The following HECTD2 variants were observed in gnomAD, a reference collection of about 807,000 sequenced individuals.
The protein encoded by HECTD2 is probable E3 ubiquitin-protein ligase HECTD2.
A neutral mutation model predicts 103.2 loss-of-function variants in HECTD2; 35 were observed. The observed-to-expected ratio is 0.34, with a 90% CI of 0.26 to 0.45. HECTD2 has a LOEUF of 0.45. HECTD2 is among the 20% of genes least tolerant of loss of function. HECTD2 has a pLI of 1.00. For missense variants in HECTD2, 596 were observed against 937.4 expected (o/e 0.64, Z 4.76); for synonymous variants, 281 against 329.9 (o/e 0.85, Z 1.61).
At chr10:91,499,609 T>C (rs1396839118) in intron 18 of HECTD2, among the ~76,000 whole-genome samples, 1 of 152,234 alleles carries the variant, frequency 6.6e-6, no homozygotes, top group Non-Finnish European at 1.5e-5. Flanking sequence ...TCTAGAGTTA[T>C]GGTGGACTCA....
upstream of HECTD2, among the ~76,000 whole-genome samples, chr10:91,409,619 G>C (rs1589447675): frequency 6.6e-6 from 1 of 152,162 alleles, no homozygotes; most frequent in East Asian, 1.9e-4. Flanking sequence ...AAGGGGAAAG[G>C]GGGGGCCCAC....
intron 2 of HECTD2, among the ~76,000 whole-genome samples, chr10:91,429,467 T>C (rs1360885143): frequency 2.0e-5 from 3 of 152,108 alleles, no homozygotes; most frequent in Admixed American, 6.6e-5. Context: ...CAGTTCCTCC[T>C]TGTACCTCTG....
At chr10:91,497,976 C>T in intron 15 of HECTD2, 132 bp from the exon 16 acceptor site, 2 of 612,584 alleles carry the variant, frequency 3.3e-6, no homozygotes, top group Non-Finnish European at 3.0e-6. Context: ...AATCATTAAC[C>T]ATTTTGTGCC....
chr10:91,410,582 T>C lies in HECTD2; in HGVS notation c.138+6T>C. 1 of 1,362,688 alleles carries C rather than the reference T, an allele frequency of 7.3e-7. No homozygotes were observed. Among genetic ancestry groups the C allele is most frequent in the Non-Finnish European group, 9.4e-7 (1 of 1,063,950 alleles). The allele number at this position is 1,362,688 out of a possible 1,614,324, so 84.4% of individuals were successfully genotyped here. A position where few individuals can be genotyped will look rare whatever the true frequency, so the allele number is the denominator to read the frequency against. On this transcript the variant is annotated splice_donor_region_variant and intron_variant, in intron 1 of 20. Transcript: ENST00000298068. The stretch of plus-strand genomic sequence containing the variant: ...CGGGCGCCGGCGCGACCGCGGTAGG[T>C]GGTGGGCCGGGGCCGTCTGGCGCCC...
chr10:91,423,732 A>T (rs1420149889), intron 1 of HECTD2, among the ~76,000 whole-genome samples: 1 of 152,148 alleles, frequency 6.6e-6, no homozygotes, highest in Non-Finnish European at 1.5e-5. Flanking sequence ...TCTGAAATTT[A>T]TTCTCTTTGG....
Position 91,462,624 on chromosome 10 carries a change from T to G in HECTD2, c.600+440T>G, listed in dbSNP as rs766405215. 574 of 1,027,498 alleles carry G rather than the reference T, an allele frequency of 5.6e-4. 1 individual carries two copies. The highest frequency in any genetic ancestry group is 6.4e-4 in the Non-Finnish European group (546 of 856,968). 63.6% of individuals were successfully genotyped at this position (1,027,498 alleles called of 1,614,324 possible). ...TAACAAGTTCCCAGGATATGTTGAT[T>G]TATGAGTTCATTTATGATGTGACAC... On this transcript the variant is annotated intron_variant, in intron 5 of 20. Transcript: ENST00000298068.
chr10:91,410,595 C>T lies in HECTD2; in HGVS notation c.138+19C>T. Reference sequence around the variant, plus strand: ...GACCGCGGTAGGTGGTGGGCCGGGGCCGTCTGGCGCCCCGGACGGCGGGAG... The same window carrying T: ...GACCGCGGTAGGTGGTGGGCCGGGGTCGTCTGGCGCCCCGGACGGCGGGAG... On this transcript the variant is annotated intron_variant, in intron 1 of 20. Coordinates refer to ENST00000298068, the MANE Select transcript of HECTD2 (RefSeq NM_182765.6). 2.5e-6 allele frequency: 3 copies of T among 1,215,516 alleles called. No homozygotes were observed. Among genetic ancestry groups the T allele is most frequent in the Non-Finnish European group, 3.0e-6 (3 of 994,798 alleles). The allele number at this position is 1,215,516 out of a possible 1,614,324, so 75.3% of individuals were successfully genotyped here.
intron 2 of HECTD2, among the ~76,000 whole-genome samples, chr10:91,449,781 C>G (rs1410844995): frequency 6.6e-6 from 1 of 152,112 alleles, no homozygotes; most frequent in Non-Finnish European, 1.5e-5. Context: ...TTCACAATTG[C>G]TGCAAAGATA....
intron 2 of HECTD2, among the ~76,000 whole-genome samples, chr10:91,460,094 C>T (rs1009934214): frequency 6.6e-6 from 1 of 152,012 alleles, no homozygotes; most frequent in Non-Finnish European, 1.5e-5. Flanking sequence ...CATTGAAATA[C>T]CCCCGGAAAG....
intron 1 of HECTD2, among the ~76,000 whole-genome samples, chr10:91,423,685 T>C (rs1408140584): frequency 1.3e-5 from 2 of 152,096 alleles, no homozygotes; most frequent in Non-Finnish European, 2.9e-5. Context: ...TAAAAGTCTA[T>C]TAATTCTAGA....
chr10:91,493,777 C>T (rs1846562809), intron 14 of HECTD2, among the ~76,000 whole-genome samples: 1 of 151,788 alleles, frequency 6.6e-6, no homozygotes, highest in Non-Finnish European at 1.5e-5. Context: ...GAAGTTATCA[C>T]TAATTTAAGG....
At chr10:91,457,779 A>G (rs1845170388) in intron 2 of HECTD2, among the ~76,000 whole-genome samples, 1 of 151,990 alleles carries the variant, frequency 6.6e-6, no homozygotes, top group Non-Finnish European at 1.5e-5. Context: ...CTTATTCAAC[A>G]TGGTAAGAAT....
chr10:91,507,461 A>G (rs1847235471), intron 20 of HECTD2, among the ~76,000 whole-genome samples: 1 of 152,244 alleles, frequency 6.6e-6, no homozygotes, highest in Non-Finnish European at 1.5e-5. Flanking sequence ...AAAAATCACA[A>G]GCATTCTTAT....
intron 8 of HECTD2, chr10:91,484,242 CTG>C (rs1187669947): frequency 1.4e-6 from 1 of 738,068 alleles, no homozygotes; most frequent in East Asian, 2.8e-5. Flanking sequence ...AATATAGAAT[CTG>C]TGAATAATGA....
upstream of HECTD2, among the ~76,000 whole-genome samples, chr10:91,409,621 G>C (rs973580984): frequency 1.1e-4 from 17 of 152,030 alleles, no homozygotes; most frequent in African/African-American, 4.1e-4. Context: ...GGGGAAAGGG[G>C]GGGCCCACCA....
At chr10:91,428,964 A>T (rs953799054) in intron 2 of HECTD2, among the ~76,000 whole-genome samples, 4 of 152,166 alleles carry the variant, frequency 2.6e-5, no homozygotes, top group African/African-American at 9.6e-5. Flanking sequence ...CCAGTTTTCA[A>T]AGGGAATGCT....
At chr10:91,510,129 T>C (rs1847363573) in intron 20 of HECTD2, among the ~76,000 whole-genome samples, 1 of 152,174 alleles carries the variant, frequency 6.6e-6, no homozygotes, top group Non-Finnish European at 1.5e-5. Context: ...CTTCTCCCAG[T>C]GCCTCTTAGA....
chr10:91,490,326 TTATAGATA>T (rs1846418689), intron 11 of HECTD2, among the ~76,000 whole-genome samples: 1 of 152,216 alleles, frequency 6.6e-6, no homozygotes, highest in African/African-American at 2.4e-5. Context: ...AGTTTTGTTT[TTATAGATA>T]ATGCTGTGAT....
At chr10:91,462,432 T>G in intron 5 of HECTD2, 1 of 1,246,096 alleles carries the variant, frequency 8.0e-7, no homozygotes, top group Non-Finnish European at 1.0e-6. Flanking sequence ...CATGCTTTAC[T>G]TACTCAGCAA....
Sources: gnomAD v4.1 joint callset for allele counts (sites outside exome capture counted in the v4.1 genomes callset) on GRCh38, gnomAD v4.1.1 for gene constraint, MANE v1.5 for transcripts, NCBI Gene and HGNC (gene_info 2026-07-23, HGNC 2026-07-21) for gene names.